Variants in ARMC8 observed in about 807,000 individuals in gnomAD.
ARMC8 encodes the protein armadillo repeat-containing protein 8.
In ARMC8, 20 loss-of-function variants were observed where a neutral mutation model predicts 99.3. That is an observed-to-expected ratio of 0.20 (90% confidence interval 0.14 to 0.29). ARMC8 has a LOEUF of 0.29. Ranked by LOEUF, ARMC8 falls within the 10% of genes least tolerant of loss-of-function variation. ARMC8 has a pLI of 1.00. For synonymous variants in ARMC8, 263 were observed against 278.3 expected (o/e 0.95, Z 0.55); for missense variants, 569 against 809.5 (o/e 0.70, Z 3.60).
chr3:138,267,060 T>C (rs1038119921), intron 14 of ARMC8, 95 bp from the exon 15 acceptor site: 2 of 700,568 alleles, frequency 2.9e-6, no homozygotes, highest in Non-Finnish European at 4.6e-6. Flanking sequence ...GGTTGAAAGA[T>C]AATTGTTCTT....
At chr3:138,281,107 C>G (rs1033200612) in intron 18 of ARMC8, among the ~76,000 whole-genome samples, 2 of 152,148 alleles carry the variant, frequency 1.3e-5, no homozygotes, top group Non-Finnish European at 2.9e-5. Flanking sequence ...CCAAAAGAGA[C>G]AGCAGACTGG....
intron 18 of ARMC8, among the ~76,000 whole-genome samples, chr3:138,281,542 TG>T (rs1158138147): frequency 1.3e-5 from 2 of 152,278 alleles, no homozygotes; most frequent in East Asian, 3.9e-4. Context: ...CCACCCGCTT[TG>T]GTCTCCCAGA....
Position 138,241,810 on chromosome 3 carries a change from A to G in ARMC8, c.865A>G (p.Ser289Gly), listed in dbSNP as rs1489694195. 4 of 1,613,954 alleles carry G rather than the reference A, an allele frequency of 2.5e-6. No individual in the cohort carries two copies. The highest frequency in any genetic ancestry group is 2.2e-5 in the East Asian group (1 of 44,868). Residue 289 changes from serine to glycine, a missense_variant, in exon 11 of 22, where the codon AGT becomes GGT. This residue lies in a region of ARMC8 where 342 missense variants were observed against 391.6 expected (regional missense o/e 0.87). Transcript: ENST00000469044. The stretch of plus-strand genomic sequence containing the variant: ...ATTACCTTGTTTGGTTCGAATGTGC[A>G]GTAAGGAGAGATTACTAGAGGAGAG... ...KTLPCLVRMC[S>G]KERLLEERVE...
chr3:138,240,384 C>T (rs2046552850), intron 10 of ARMC8, among the ~76,000 whole-genome samples: 1 of 152,186 alleles, frequency 6.6e-6, no homozygotes, highest in Non-Finnish European at 1.5e-5. Flanking sequence ...GAGATCTGAA[C>T]ACTCCCTAAG....
intron 12 of ARMC8, among the ~76,000 whole-genome samples, chr3:138,249,608 A>T (rs996980275): frequency 1.3e-5 from 2 of 152,008 alleles, no homozygotes; most frequent in African/African-American, 2.4e-5. Flanking sequence ...TCAGGAATCA[A>T]CCTATTTGCA....
chr3:138,225,510 C>G (rs900006535), intron 5 of ARMC8, among the ~76,000 whole-genome samples: 6 of 152,178 alleles, frequency 3.9e-5, no homozygotes, highest in Non-Finnish European at 5.9e-5. Context: ...TTTAAACACT[C>G]TTATTCACAG....
chr3:138,271,910 C>T (rs149943007), intron 16 of ARMC8, among the ~76,000 whole-genome samples: 2 of 151,932 alleles, frequency 1.3e-5, no homozygotes, highest in Non-Finnish European at 2.9e-5. Flanking sequence ...ATTCTTGTGC[C>T]TCAACCTCCT....
chr3:138,268,914 A>G (rs933228934), intron 15 of ARMC8, among the ~76,000 whole-genome samples: 46 of 152,218 alleles, frequency 3.0e-4, no homozygotes, highest in African/African-American at 1.1e-3. Flanking sequence ...TTAATTTATT[A>G]TTACCTTTCC....
intron 6 of ARMC8, among the ~76,000 whole-genome samples, chr3:138,231,331 C>CTATT: frequency 6.6e-6 from 1 of 151,828 alleles, no homozygotes; most frequent in East Asian, 1.9e-4. Flanking sequence ...AATTTTAAGA[C>CTATT]TCATAGGGAC....
chr3:138,202,964 A>C (rs984781114), intron 1 of ARMC8, among the ~76,000 whole-genome samples: 1 of 152,164 alleles, frequency 6.6e-6, no homozygotes, highest in African/African-American at 2.4e-5. Context: ...TACCTGAATA[A>C]ATTTTTTTCA....
intron 17 of ARMC8, among the ~76,000 whole-genome samples, chr3:138,274,233 A>ATGTGTGTGTG (rs142329302): frequency 5.3e-4 from 76 of 142,342 alleles, no homozygotes; most frequent in African/African-American, 2.0e-3. Flanking sequence ...GTGTATATAC[A>ATGTGTGTGTG]TGTGTGTGTG....
chr3:138,217,412 T>C (rs1268920904), intron 2 of ARMC8, among the ~76,000 whole-genome samples: 3 of 151,958 alleles, frequency 2.0e-5, no homozygotes, highest in Non-Finnish European at 2.9e-5. Flanking sequence ...TTTTTTTTTT[T>C]TTTTCTTTTT....
At chr3:138,188,874 A>AT (rs1334414575) in intron 1 of ARMC8, among the ~76,000 whole-genome samples, 1 of 152,100 alleles carries the variant, frequency 6.6e-6, no homozygotes, top group African/African-American at 2.4e-5. Context: ...TTTAGCAGTC[A>AT]TTTTTTCTTA....
At chr3:138,222,914 G>A (rs1258268082) in intron 3 of ARMC8, among the ~76,000 whole-genome samples, 1 of 152,202 alleles carries the variant, frequency 6.6e-6, no homozygotes, top group East Asian at 1.9e-4. Flanking sequence ...GCTGGAGAAA[G>A]AAGAAACTAC....
chr3:138,295,777 C>T, intron 21 of ARMC8, 82 bp from the exon 22 acceptor site: 1 of 1,501,462 alleles, frequency 6.7e-7, no homozygotes. Context: ...TAGACTTCCC[C>T]AGCTATCATC....
At chr3:138,188,373 A>G in intron 1 of ARMC8, 3 of 1,432,776 alleles carry the variant, frequency 2.1e-6, no homozygotes, top group Non-Finnish European at 2.8e-6. Flanking sequence ...CAGGAAGTAA[A>G]ACCTGTTTTT....
intron 18 of ARMC8, among the ~76,000 whole-genome samples, chr3:138,280,189 C>T (rs546758780): frequency 2.1e-3 from 324 of 152,288 alleles, no homozygotes; most frequent in African/African-American, 7.5e-3. Context: ...CAGACATGAG[C>T]CACTGTGCCT....
At chr3:138,271,641 G>A (rs1308422514) in intron 16 of ARMC8, among the ~76,000 whole-genome samples, 1 of 152,200 alleles carries the variant, frequency 6.6e-6, no homozygotes, top group Non-Finnish European at 1.5e-5. Flanking sequence ...TCTGACCTGG[G>A]TCTCTTGACA....
At chr3:138,243,282 A>G (rs529415105) in intron 11 of ARMC8, among the ~76,000 whole-genome samples, 1 of 152,354 alleles carries the variant, frequency 6.6e-6, no homozygotes, top group East Asian at 1.9e-4. Flanking sequence ...TGTAACAACA[A>G]TAATCCTTAA....
Sources: allele counts gnomAD v4.1 joint callset (sites outside exome capture counted in the v4.1 genomes callset), GRCh38; gene constraint gnomAD v4.1.1; regional missense constraint gnomAD v4.1.1; transcripts MANE v1.5; gene names NCBI Gene and HGNC (gene_info 2026-07-23, HGNC 2026-07-21).